Variants in RNF130 observed in about 807,000 individuals in gnomAD.
RNF130 encodes ring finger protein 130.
Under a neutral mutation model 44.6 loss-of-function variants are expected in RNF130, and 21 were observed. The observed-to-expected ratio is 0.47, with a 90% CI of 0.33 to 0.68. RNF130 has a LOEUF of 0.68. Ranked by LOEUF, RNF130 falls within the 30% of genes least tolerant of loss-of-function variation. RNF130 has a pLI of 0.02. For synonymous variants in RNF130, 214 were observed against 210.4 expected, an observed-to-expected ratio of 1.02 and a Z score of -0.15; for missense variants, 479 against 560.6, an observed-to-expected ratio of 0.85 and a Z score of 1.47.
intron 2 of RNF130, among the ~76,000 whole-genome samples, chr5:180,021,622 AATAATTATTATTATTTAAAGAATCT>A (rs1763874360): frequency 6.6e-6 from 1 of 151,936 alleles, no homozygotes; most frequent in Non-Finnish European, 1.5e-5. Context: ...TAAAAATAAT[AATAATTATTATTATTTAAAGAATCT>A]AAAACTTACA....
intron 7 of RNF130, among the ~76,000 whole-genome samples, chr5:179,946,452 T>C (rs1454292593): frequency 6.6e-6 from 1 of 152,162 alleles, no homozygotes; most frequent in East Asian, 1.9e-4. Context: ...AAAAAAACTT[T>C]AAGGTAAAGA....
intron 3 of RNF130, among the ~76,000 whole-genome samples, chr5:179,997,463 A>G (rs1034384481): frequency 2.6e-5 from 4 of 152,124 alleles, no homozygotes; most frequent in African/African-American, 4.8e-5. Flanking sequence ...AGCTGGGACT[A>G]CAGACTCCCA....
chr5:179,959,048 C>G (rs1261709684), intron 8 of RNF130, among the ~76,000 whole-genome samples: 2 of 152,152 alleles, frequency 1.3e-5, no homozygotes, highest in Non-Finnish European at 2.9e-5. Context: ...TCCAGAAATA[C>G]AGAGTAAGCA....
At chr5:179,990,033 C>T (rs1391371960) in intron 3 of RNF130, among the ~76,000 whole-genome samples, 2 of 152,150 alleles carry the variant, frequency 1.3e-5, no homozygotes, top group South Asian at 2.1e-4. Flanking sequence ...TCCAGCCCCA[C>T]GGGGTTGGTG....
chr5:180,040,499 G>A lies in RNF130; in HGVS notation c.396C>T (p.Ile132=), dbSNP rs1315655466. 2 of 1,614,142 alleles carry A rather than the reference G, an allele frequency of 1.2e-6. No homozygotes were observed. Among genetic ancestry groups the A allele is most frequent in the Non-Finnish European group, 1.7e-6 (2 of 1,180,004 alleles). ...GCTCCTCTTTGGATTTATTATTGTAGATGACTACAGCAACTGCATTGTGGA... is the reference window on the plus strand; with the variant it reads ...GCTCCTCTTTGGATTTATTATTGTAAATGACTACAGCAACTGCATTGTGGA... ...AAFHNAVAVV[I]YNNKSKEEPV... is the part of the protein sequence containing the mutation. The change falls in exon 2 of 9, where the codon ATC becomes ATT. Residue 132 remains isoleucine, a synonymous_variant. Coordinates refer to ENST00000521389, the MANE Select transcript of RNF130 (RefSeq NM_018434.6).
In RNF130 at chr5:179,963,503, G is replaced by T; in HGVS notation, c.1212C>A (p.Ile404=). 1 of 1,614,002 alleles carries T rather than the reference G, an allele frequency of 6.2e-7. No individual in the cohort carries two copies. The highest frequency in any genetic ancestry group is 1.1e-5 in the South Asian group (1 of 91,064). Residue 404 remains isoleucine (I), a synonymous_variant, in exon 8 of 9, where the codon ATC becomes ATA. Transcript: ENST00000521389. ...LLSALTLCYM[I]IRATASLNAN... ...CATTCAAGCTAGCTGTGGCTCTGAT[G>T]ATCATGTAGCAGAGTGTGAGGGCAC...
intron 1 of RNF130, among the ~76,000 whole-genome samples, chr5:180,066,331 C>T (rs1166902706): frequency 6.6e-6 from 1 of 152,226 alleles, no homozygotes; most frequent in South Asian, 2.1e-4. Context: ...CCTTCTGCCA[C>T]CCACCATGAT....
chr5:180,044,044 ATAAT>A (rs536796933), intron 1 of RNF130, among the ~76,000 whole-genome samples: 14 of 152,220 alleles, frequency 9.2e-5, no homozygotes, highest in Non-Finnish European at 1.6e-4. Flanking sequence ...ACTGATGACT[ATAAT>A]TAAGTAGTAT....
chr5:180,053,368 G>A (rs1764733117), intron 1 of RNF130, among the ~76,000 whole-genome samples: 1 of 152,168 alleles, frequency 6.6e-6, no homozygotes, highest in Non-Finnish European at 1.5e-5. Flanking sequence ...TCATTTCAGA[G>A]TTTACAAAAT....
At chr5:179,942,041 T>C (rs1346991916) in intron 7 of RNF130, among the ~76,000 whole-genome samples, 1 of 152,052 alleles carries the variant, frequency 6.6e-6, no homozygotes, top group Non-Finnish European at 1.5e-5. Flanking sequence ...TCTGATACAG[T>C]TTATTTCAGT....
At chr5:179,918,825 A>G (rs1761587898) in exon 8 of RNF130, 1 of 152,218 alleles carries the variant, frequency 6.6e-6, no homozygotes, top group African/African-American at 2.4e-5. Flanking sequence ...GCCTGTCCCC[A>G]TCCGGGGCTC....
chr5:179,990,787 G>A (rs1403734429), intron 3 of RNF130, among the ~76,000 whole-genome samples: 1 of 152,188 alleles, frequency 6.6e-6, no homozygotes, highest in Non-Finnish European at 1.5e-5. Flanking sequence ...TTCTCACCAT[G>A]CCCCTTCAGC....
At chr5:179,970,890 G>A (rs1222911068) in intron 5 of RNF130, among the ~76,000 whole-genome samples, 1 of 152,184 alleles carries the variant, frequency 6.6e-6, no homozygotes, top group African/African-American at 2.4e-5. Context: ...CTAAATCATG[G>A]CTAAGTGAAG....
At position 179,922,211 on chromosome 5, in the gene RNF130, C is replaced by T. The variant is rs190229722; in HGVS notation, c.1151-1785G>A. 1.4e-3 allele frequency among the ~76,000 whole-genome samples: 203 copies of T among 149,570 alleles called. 11 individuals carry two copies. Among genetic ancestry groups the T allele is most frequent in the African/African-American group, 5.1e-3 (198 of 38,966 alleles). On this transcript the variant is annotated intron_variant, in intron 7 of 7. Transcript: ENST00000522208. ...TTCTCTGATGACTAGTGACGTTGAGCATCTTTTCATGGGCTTATTAGCCAA... is the reference window on the plus strand; with the variant it reads ...TTCTCTGATGACTAGTGACGTTGAGTATCTTTTCATGGGCTTATTAGCCAA...
chr5:179,995,199 T>A (rs1763175436), intron 3 of RNF130, among the ~76,000 whole-genome samples: 2 of 147,070 alleles, frequency 1.4e-5, no homozygotes, highest in Non-Finnish European at 3.1e-5. Context: ...GTATGGGACC[T>A]GCCTCTCTCT....
intron 7 of RNF130, among the ~76,000 whole-genome samples, chr5:179,935,353 T>C (rs1761874577): frequency 6.6e-6 from 1 of 152,210 alleles, no homozygotes; most frequent in South Asian, 2.1e-4. Flanking sequence ...ATGAGGGCTA[T>C]ATAAATATAT....
chr5:179,991,977 CA>C lies in RNF130; in HGVS notation c.694-11778del, dbSNP rs1030366008. On this transcript the variant is annotated intron_variant, in intron 3 of 8. Coordinates refer to ENST00000521389, the MANE Select transcript of RNF130 (RefSeq NM_018434.6). Reference sequence around the variant, plus strand: ...TCACACTCCTATGAGAACCTAATGCCACCCCTGATCTGAGAGGAGGAGCAGC... The same window carrying C: ...TCACACTCCTATGAGAACCTAATGCCCCCCTGATCTGAGAGGAGGAGCAGC... Among the ~76,000 whole-genome samples, 9 of 152,128 alleles carry C rather than the reference CA, an allele frequency of 5.9e-5. 1 individual carries two copies. In the South Asian group the frequency reaches 1.0e-3, roughly 18 times the overall value.
At chr5:179,928,188 G>A (rs1761733396) in intron 7 of RNF130, among the ~76,000 whole-genome samples, 1 of 152,146 alleles carries the variant, frequency 6.6e-6, no homozygotes, top group Admixed American at 6.6e-5. Flanking sequence ...ACATGGACAT[G>A]CCTTTCCCTC....
At chr5:179,939,246 C>T (rs2113681613) in intron 7 of RNF130, among the ~76,000 whole-genome samples, 1 of 148,886 alleles carries the variant, frequency 6.7e-6, no homozygotes, top group South Asian at 2.2e-4. Context: ...AATAAAAGTG[C>T]ATACAGAGAT....
Sources: allele counts gnomAD v4.1 joint callset (sites outside exome capture counted in the v4.1 genomes callset), GRCh38; gene constraint gnomAD v4.1.1; transcripts MANE v1.5; gene names NCBI Gene and HGNC (gene_info 2026-07-23, HGNC 2026-07-21).